Variants in DOCK9 observed in about 807,000 individuals in gnomAD.
DOCK9 encodes dedicator of cytokinesis protein 9.
In DOCK9, 89 loss-of-function variants were observed where a neutral mutation model predicts 263.3. The ratio of observed to expected loss-of-function variants is 0.34; its 90% CI spans 0.28 to 0.40. The LOEUF is 0.40. Ranked by LOEUF, DOCK9 falls within the 10% of genes least tolerant of loss-of-function variation. The pLI, the probability that DOCK9 is intolerant of heterozygous loss-of-function variation, is 1.00. For missense variants in DOCK9, 2,140 were observed against 2,603.4 expected (o/e 0.82, Z 3.87); for synonymous variants, 976 against 973.1 (o/e 1.00, Z -0.06).
At chr13:99,010,337 C>G (rs915150588) in intron 1 of DOCK9, among the ~76,000 whole-genome samples, 1 of 152,304 alleles carries the variant, frequency 6.6e-6, no homozygotes, top group South Asian at 2.1e-4. Flanking sequence ...GAAGGCTAGC[C>G]CCATCACAAA....
At chr13:99,073,563 C>T (rs1487386285) in intron 1 of DOCK9, among the ~76,000 whole-genome samples, 6 of 152,164 alleles carry the variant, frequency 3.9e-5, no homozygotes, top group African/African-American at 1.4e-4. Flanking sequence ...ATACAATGAA[C>T]AGACTGGCAG....
upstream of DOCK9, chr13:99,088,394 T>C (rs1320158384): frequency 1.3e-5 from 2 of 152,198 alleles, no homozygotes; most frequent in African/African-American, 2.4e-5. Context: ...TCAGCTCGCA[T>C]TGACTCCTTT....
At chr13:98,814,893 G>A (rs1408670091) in intron 45 of DOCK9, among the ~76,000 whole-genome samples, 8 of 151,156 alleles carry the variant, frequency 5.3e-5, no homozygotes, top group Non-Finnish European at 8.8e-5. Context: ...AACTGAAATC[G>A]CACCACTGCA....
At chr13:98,842,628 T>G (rs144600142) in intron 38 of DOCK9, among the ~76,000 whole-genome samples, 332 of 152,354 alleles carry the variant, frequency 2.2e-3, no homozygotes, top group South Asian at 0.012. Context: ...TTTCACCTCA[T>G]AATGTGGTTT....
At chr13:98,856,089 A>G in intron 33 of DOCK9, 58 bp from the exon 34 acceptor site, 1 of 1,560,802 alleles carries the variant, frequency 6.4e-7, no homozygotes, top group Non-Finnish European at 8.7e-7. Flanking sequence ...AATAAAGATG[A>G]GTACTGAACT....
In DOCK9 at chr13:98,902,333, G is replaced by A; in HGVS notation, c.1335C>T (p.Val445=). The change falls in exon 12 of 53, where the codon GTC becomes GTT. Residue 445 remains valine (V), a synonymous_variant. Coordinates refer to ENST00000682017, the MANE Select transcript of DOCK9 (RefSeq NM_001366683.2). ...CGGCTTCATGAAGGATGCCCTTGAG[G>A]ACAGATGGGCTCTGCCCACTGCCAT... is the stretch of plus-strand genomic sequence containing the variant. ...LMNGSGQSPS[V]LKGILHEAAM... is the part of the protein sequence containing the mutation. 1.2e-6 allele frequency: 2 copies of A among 1,613,980 alleles called. No homozygotes were observed. The highest frequency in any genetic ancestry group is 1.7e-6 in the Non-Finnish European group (2 of 1,179,884).
chr13:99,057,102 AAG>A (rs2040961320), intron 1 of DOCK9, among the ~76,000 whole-genome samples: 1 of 152,162 alleles, frequency 6.6e-6, no homozygotes, highest in South Asian at 2.1e-4. Flanking sequence ...CAGCCGAGAT[AAG>A]AGAGGATCTT....
At chr13:98,905,834 C>A (rs2049007628) in intron 9 of DOCK9, among the ~76,000 whole-genome samples, 1 of 151,490 alleles carries the variant, frequency 6.6e-6, no homozygotes. Flanking sequence ...ATCCTGCAAC[C>A]TTTTAGGTAA....
intron 41 of DOCK9, 113 bp downstream of exon 41, chr13:98,831,235 A>G: frequency 8.2e-7 from 1 of 1,218,154 alleles, no homozygotes; most frequent in Non-Finnish European, 1.1e-6. Flanking sequence ...AGTTTTCCAG[A>G]TCTTGCAGTA....
intron 2 of DOCK9, among the ~76,000 whole-genome samples, chr13:98,954,935 C>T (rs1156288014): frequency 2.0e-5 from 3 of 150,714 alleles, no homozygotes; most frequent in Non-Finnish European, 4.4e-5. Context: ...AAAAATAATA[C>T]CATTAAAAAT....
rs181137238 is a variant in DOCK9 at position 98,919,075 on chromosome 13, A to G, written c.717+1879T>C. ...AGGATGTGAGTGGGTAAGGTGATGC[A>G]GGGGTGAAGCACTGCCCTTCAGCAC... On this transcript the variant is annotated intron_variant, in intron 7 of 52. Transcript: ENST00000682017. Among the ~76,000 whole-genome samples the G allele has an allele frequency of 9.1e-3, 1,385 of 151,910 alleles. 10 individuals are homozygous for G. The highest frequency in any genetic ancestry group is 0.023 in the Admixed American group (358 of 15,248).
At position 99,012,094 on chromosome 13, in the gene DOCK9, G is replaced by A. The variant is rs565078383; in HGVS notation, c.130-56543C>T. Among the ~76,000 whole-genome samples the A allele has an allele frequency of 1.6e-3, 249 of 152,314 alleles. 1 individual carries two copies. The highest frequency in any genetic ancestry group is 5.3e-3 in the African/African-American group (222 of 41,568). On this transcript the variant is annotated intron_variant, in intron 1 of 32. Coordinates refer to the DOCK9 transcript ENST00000427887. ...GCCTCCCAAAGTGCTGGGACTACAGGTGTGAGCCACAGCGCCCAGCCCAGA... is the reference window on the plus strand; with the variant it reads ...GCCTCCCAAAGTGCTGGGACTACAGATGTGAGCCACAGCGCCCAGCCCAGA...
At chr13:99,065,608 T>C (rs1406424929) in intron 1 of DOCK9, among the ~76,000 whole-genome samples, 1 of 152,220 alleles carries the variant, frequency 6.6e-6, no homozygotes, top group Non-Finnish European at 1.5e-5. Flanking sequence ...AGGCCTGTGC[T>C]CCTACGGGTC....
chr13:98,892,647 G>A (rs1226915223), intron 15 of DOCK9, among the ~76,000 whole-genome samples: 1 of 152,168 alleles, frequency 6.6e-6, no homozygotes, highest in Non-Finnish European at 1.5e-5. Flanking sequence ...GACCATGGAG[G>A]AATGCAAACA....
At chr13:98,813,434 G>T (rs1444088756) in intron 45 of DOCK9, among the ~76,000 whole-genome samples, 1 of 151,990 alleles carries the variant, frequency 6.6e-6, no homozygotes, top group Admixed American at 6.6e-5. Flanking sequence ...AATAGATGTT[G>T]AATTTTGTCA....
chr13:98,913,960 C>T (rs1422387417), intron 9 of DOCK9, among the ~76,000 whole-genome samples: 2 of 152,076 alleles, frequency 1.3e-5, no homozygotes, highest in Non-Finnish European at 2.9e-5. Context: ...TCTTTGGAAC[C>T]GTGTCTATTA....
At chr13:98,922,196 T>C (rs2052140554) in intron 5 of DOCK9, 50 bp from the exon 6 acceptor site, 3 of 1,434,340 alleles carry the variant, frequency 2.1e-6, no homozygotes, top group Non-Finnish European at 2.9e-6. Flanking sequence ...ATTACCTGGG[T>C]TGCTTGCTGT....
intron 2 of DOCK9, among the ~76,000 whole-genome samples, chr13:98,938,419 A>G (rs1014716318): frequency 2.0e-5 from 3 of 152,208 alleles, no homozygotes; most frequent in Non-Finnish European, 4.4e-5. Context: ...TAAAAATCCC[A>G]CAGTTCTGTG....
chr13:98,978,841 G>T (rs1310222836), upstream of DOCK9, among the ~76,000 whole-genome samples: 1 of 152,208 alleles, frequency 6.6e-6, no homozygotes, highest in Admixed American at 6.5e-5. Flanking sequence ...GAAAATAGCT[G>T]GATCACCAAC....
Sources: allele counts gnomAD v4.1 joint callset (sites outside exome capture counted in the v4.1 genomes callset), GRCh38; gene constraint gnomAD v4.1.1; transcripts MANE v1.5; gene names NCBI Gene and HGNC (gene_info 2026-07-23, HGNC 2026-07-21).